Variants in GABRG2 observed in about 807,000 individuals in gnomAD.
GABRG2 encodes gamma-aminobutyric acid receptor subunit gamma-2.
A neutral mutation model predicts 56.4 loss-of-function variants in GABRG2; 16 were observed. The ratio of observed to expected loss-of-function variants is 0.28; its 90% CI spans 0.19 to 0.43. The LOEUF (loss-of-function observed/expected upper bound fraction) is 0.43, where lower values mean the gene tolerates loss of function less well. Ranked by LOEUF, GABRG2 falls within the 20% of genes least tolerant of loss-of-function variation. GABRG2 has a pLI of 1.00. For missense variants in GABRG2, 327 were observed against 582.7 expected (o/e 0.56, Z 4.52); for synonymous variants, 208 against 205.5 (o/e 1.01, Z -0.10).
In GABRG2 at chr5:162,102,606, C is replaced by G. The variant is rs191391831; in HGVS notation, c.632-1283C>G. On this transcript the variant is annotated intron_variant, in intron 5 of 9. Transcript: ENST00000639213. ...TGTGCAGTGGTGTGATCTCGGCTCA[C>G]TACAGCCTTCGCTTCTGGGGCTCAA... 86 of 453,376 alleles carry G rather than the reference C, an allele frequency of 1.9e-4. No homozygotes were observed. The highest frequency in any genetic ancestry group is 2.7e-4 in the Non-Finnish European group (62 of 226,678). 28.1% of individuals were successfully genotyped at this position (453,376 alleles called of 1,614,324 possible).
chr5:162,149,516 C>A, intron 8 of GABRG2: 1 of 745,622 alleles, frequency 1.3e-6, no homozygotes, highest in East Asian at 2.5e-5. Context: ...TTTTCTGTGT[C>A]AGAGTTCTTA....
At chr5:162,106,505 T>G in intron 6 of GABRG2, among the ~76,000 whole-genome samples, 1 of 152,176 alleles carries the variant, frequency 6.6e-6, no homozygotes, top group East Asian at 1.9e-4. Context: ...TTTGCTTGAT[T>G]TTTGATGCTA....
At chr5:162,115,767 T>C (rs1009888918) in intron 6 of GABRG2, among the ~76,000 whole-genome samples, 1 of 152,134 alleles carries the variant, frequency 6.6e-6, no homozygotes, top group Non-Finnish European at 1.5e-5. Context: ...AATATCTTAA[T>C]TGTATAAATT....
intron 6 of GABRG2, among the ~76,000 whole-genome samples, chr5:162,137,192 C>G (rs1352524684): frequency 6.6e-6 from 1 of 152,182 alleles, no homozygotes; most frequent in Non-Finnish European, 1.5e-5. Context: ...TCTACCTAGA[C>G]TTCTAGGCAC....
At chr5:162,079,863 T>G (rs1185374186) in intron 1 of GABRG2, among the ~76,000 whole-genome samples, 2 of 152,118 alleles carry the variant, frequency 1.3e-5, no homozygotes, top group African/African-American at 4.8e-5. Context: ...CACTGCAGCC[T>G]CTGTCTCCTG....
chr5:162,115,446 C>A (rs1581389768), intron 6 of GABRG2, among the ~76,000 whole-genome samples: 1 of 152,188 alleles, frequency 6.6e-6, no homozygotes, highest in East Asian at 1.9e-4. Context: ...CTTTGTCTGT[C>A]CCGTGTGGAG....
rs1428151446 is a variant in GABRG2, at chr5:162,154,390, C to G, written c.*1022C>G. 1 of 152,132 alleles carries G rather than the reference C, an allele frequency of 6.6e-6. No individual in the cohort carries two copies. Among genetic ancestry groups the G allele is most frequent in the Non-Finnish European group, 1.5e-5 (1 of 68,022 alleles). 9.4% of individuals were successfully genotyped at this position (152,132 alleles called of 1,614,324 possible). A position where few individuals can be genotyped will look rare whatever the true frequency, so the allele number is the denominator to read the frequency against. On this transcript the variant is annotated 3_prime_UTR_variant, in exon 10 of 10. Transcript: ENST00000639213. ...CTGTAGCACCTTGCATAGTGCCTGG[C>G]ATATAGTTGGTGCTCAATAAATATG...
intron 7 of GABRG2, among the ~76,000 whole-genome samples, chr5:162,144,525 G>T (rs1420097400): frequency 2.6e-5 from 4 of 152,196 alleles, no homozygotes; most frequent in Non-Finnish European, 4.4e-5. Flanking sequence ...TTTGTAATTT[G>T]TAAGTCAGGA....
At chr5:162,109,532 CCTT>C (rs748756808) in intron 6 of GABRG2, among the ~76,000 whole-genome samples, 28 of 151,010 alleles carry the variant, frequency 1.9e-4, no homozygotes, top group Non-Finnish European at 3.5e-4. Flanking sequence ...ACAACAGAAA[CCTT>C]CTTTTAATCA....
intron 6 of GABRG2, among the ~76,000 whole-genome samples, chr5:162,120,629 C>G (rs2113478990): frequency 6.6e-6 from 1 of 152,210 alleles, no homozygotes; most frequent in South Asian, 2.1e-4. Flanking sequence ...CTGCAAGCTG[C>G]ATGAACTCAG....
At chr5:162,108,806 A>G (rs1430860535) in intron 6 of GABRG2, among the ~76,000 whole-genome samples, 1 of 152,138 alleles carries the variant, frequency 6.6e-6, no homozygotes, top group Non-Finnish European at 1.5e-5. Context: ...TATCACTATC[A>G]TTATTATTCC....
rs146080780 is a variant in GABRG2 at position 162,078,493 on chromosome 5, G to A, written c.107+10387G>A. 6.9e-3 allele frequency among the ~76,000 whole-genome samples: 950 copies of A among 137,260 alleles called. 15 individuals carry two copies. Among genetic ancestry groups the A allele is most frequent in the African/African-American group, 0.025 (903 of 36,298 alleles). 90.0% of individuals were successfully genotyped at this position (137,260 alleles called of 152,430 possible). ...TTGATCTCCGCTCACTGCAAGCTGC[G>A]CCTCCCAGGTTCATGCATTCTCCCA... On this transcript the variant is annotated intron_variant, in intron 1 of 9. Coordinates refer to ENST00000639213, the MANE Select transcript of GABRG2 (RefSeq NM_198904.4).
chr5:162,105,662 C>T (rs1444594119), intron 6 of GABRG2, among the ~76,000 whole-genome samples: 1 of 151,744 alleles, frequency 6.6e-6, no homozygotes, highest in Admixed American at 6.6e-5. Context: ...GATCTCCTGA[C>T]CTTGTGATCC....
Position 162,111,897 on chromosome 5 carries a change from A to G in GABRG2, c.769+7871A>G, listed in dbSNP as rs76574455. On this transcript the variant is annotated intron_variant, in intron 6 of 9. Transcript: ENST00000639213. The stretch of plus-strand genomic sequence containing the variant: ...ATATGGTAGCCATATATATGAATCA[A>G]CAATATGTTAACCTGTAGGAATACC... 4.6e-3 allele frequency among the ~76,000 whole-genome samples: 702 copies of G among 152,332 alleles called. 7 individuals carry two copies. Among genetic ancestry groups the G allele is most frequent in the African/African-American group, 0.016 (672 of 41,580 alleles).
intron 6 of GABRG2, among the ~76,000 whole-genome samples, chr5:162,133,417 G>A (rs1291474042): frequency 6.6e-6 from 1 of 151,992 alleles, no homozygotes; most frequent in Non-Finnish European, 1.5e-5. Context: ...TTAATCCTGG[G>A]ACTAGATCTG....
At chr5:162,120,474 G>T (rs1171128964) in intron 6 of GABRG2, among the ~76,000 whole-genome samples, 1 of 152,100 alleles carries the variant, frequency 6.6e-6, no homozygotes, top group East Asian at 1.9e-4. Context: ...TCTCTGTACA[G>T]TGGAGATATT....
rs577832752 is a variant in GABRG2 at position 162,111,403 on chromosome 5, G to T, written c.769+7377G>T. ...AAGGTTGTGTTCACACTATCTAGCA[G>T]GGAGATAGTTTTTAAGGGGCGGAGG... On this transcript the variant is annotated intron_variant, in intron 6 of 9. Coordinates refer to ENST00000639213, the MANE Select transcript of GABRG2 (RefSeq NM_198904.4). 4.6e-5 allele frequency among the ~76,000 whole-genome samples: 7 copies of T among 152,232 alleles called. No individual in the cohort carries two copies. In the East Asian group the frequency reaches 1.4e-3, roughly 29 times the overall value.
chr5:162,119,327 A>T (rs1762830754), intron 6 of GABRG2, among the ~76,000 whole-genome samples: 1 of 152,080 alleles, frequency 6.6e-6, no homozygotes, highest in South Asian at 2.1e-4. Flanking sequence ...AACTTTCCAA[A>T]TTTCTCTCCA....
chr5:162,068,200 A>G, intron 1 of GABRG2, 94 bp downstream of exon 1: 2 of 815,784 alleles, frequency 2.5e-6, no homozygotes, highest in African/African-American at 3.4e-5. Context: ...GATTTAAAAC[A>G]CTCTCCTAGG....
Sources: gnomAD v4.1 joint callset for allele counts (sites outside exome capture counted in the v4.1 genomes callset) on GRCh38, gnomAD v4.1.1 for gene constraint, MANE v1.5 for transcripts, NCBI Gene and HGNC (gene_info 2026-07-23, HGNC 2026-07-21) for gene names.